The following FIGN variants were observed in gnomAD, a reference collection of about 807,000 sequenced individuals.
FIGN encodes fidgetin, microtubule severing factor, also known as fidgetin.
A neutral mutation model predicts 51.3 loss-of-function variants in FIGN; 11 were observed. The ratio of observed to expected loss-of-function variants is 0.21; its 90% CI spans 0.13 to 0.35. The LOEUF is 0.35. Ranked by LOEUF, FIGN falls within the 10% of genes least tolerant of loss-of-function variation. The pLI, the probability that FIGN is intolerant of heterozygous loss-of-function variation, is 1.00. For synonymous variants in FIGN, 407 were observed against 363.2 expected, an observed-to-expected ratio of 1.12 and a Z score of -1.37; for missense variants, 857 against 943.6, an observed-to-expected ratio of 0.91 and a Z score of 1.20.
At chr2:163,694,211 G>C (rs1234434620) in intron 2 of FIGN, among the ~76,000 whole-genome samples, 1 of 152,152 alleles carries the variant, frequency 6.6e-6, no homozygotes, top group Non-Finnish European at 1.5e-5. Flanking sequence ...CAAAATGTTT[G>C]TTTTGCCCCC....
Position 163,611,690 on chromosome 2 carries a change from G to A in FIGN, c.142C>T (p.Arg48Cys), listed in dbSNP as rs756095635. 4.3e-6 allele frequency: 7 copies of A among 1,614,162 alleles called. No individual in the cohort carries two copies. Among genetic ancestry groups the A allele is most frequent in the South Asian group, 1.1e-5 (1 of 91,082 alleles). ...TTCGCCCAGGCGTACTGATAGGTGC[G>A]CTGCAGATGACCTCTGTAGGCTTCA... ...KVEAYRGHLQRTYQYAWANDD... is the reference protein window; with the variant it reads ...KVEAYRGHLQCTYQYAWANDD... The change falls in exon 3 of 3, where the codon CGC becomes TGC. Residue 48 changes from arginine to cysteine, a missense_variant. By Grantham distance (180) the Arg-to-Cys change is radical. Around this residue, in one of 3 missense-constraint regions of FIGN, gnomAD observed 56 missense variants for 75.3 expected, o/e 0.74. Coordinates refer to ENST00000333129, the MANE Select transcript of FIGN (RefSeq NM_018086.4).
intron 2 of FIGN, among the ~76,000 whole-genome samples, chr2:163,726,619 C>G (rs1230965994): frequency 6.6e-6 from 1 of 151,918 alleles, no homozygotes; most frequent in Non-Finnish European, 1.5e-5. Context: ...CCCCGTTAAC[C>G]TAAATACTCA....
chr2:163,697,424 T>C (rs1363557728), intron 2 of FIGN, among the ~76,000 whole-genome samples: 1 of 152,068 alleles, frequency 6.6e-6, no homozygotes, highest in Non-Finnish European at 1.5e-5. Context: ...TACTTATGTG[T>C]CCATCTCCCC....
At position 163,607,596 on chromosome 2, in the gene FIGN, A is replaced by C. The variant is rs1691137016; in HGVS notation, c.*1956T>G. The C allele has an allele frequency of 6.6e-6, 1 of 152,568 alleles. No individual in the cohort carries two copies. Among genetic ancestry groups the C allele is most frequent in the African/African-American group, 2.4e-5 (1 of 41,438 alleles). 9.5% of individuals were successfully genotyped at this position (152,568 alleles called of 1,614,324 possible). Reference sequence around the variant, plus strand: ...GGTAAAAATTTTTGTAAGAAAAAAAAAACAGAAAGGCCTTTCTTGGGGCTT... The same window carrying C: ...GGTAAAAATTTTTGTAAGAAAAAAACAACAGAAAGGCCTTTCTTGGGGCTT... On this transcript the variant is annotated 3_prime_UTR_variant, in exon 3 of 3. Coordinates refer to ENST00000333129, the MANE Select transcript of FIGN (RefSeq NM_018086.4).
rs553633980 is a variant in FIGN, at chr2:163,679,364, C to T, written c.25+55539G>A. On this transcript the variant is annotated intron_variant, in intron 2 of 2. Transcript: ENST00000333129. ...ACAAAAAATTAGCCAGGCATGGTGGCGGGCGCCTGTATTCCCAGTTACTTG... is the reference window on the plus strand; with the variant it reads ...ACAAAAAATTAGCCAGGCATGGTGGTGGGCGCCTGTATTCCCAGTTACTTG... Among the ~76,000 whole-genome samples, 20 of 152,128 alleles carry T rather than the reference C, an allele frequency of 1.3e-4. No individual in the cohort carries two copies. In the South Asian group the frequency reaches 3.7e-3, roughly 28 times the overall value.
rs1691138641 is a variant in FIGN at position 163,607,643 on chromosome 2, T to A, written c.*1909A>T. 1 of 152,620 alleles carries A rather than the reference T, an allele frequency of 6.6e-6. No individual in the cohort carries two copies. Among genetic ancestry groups the A allele is most frequent in the African/African-American group, 2.4e-5 (1 of 41,454 alleles). The allele number at this position is 152,620 out of a possible 1,614,324, so 9.5% of individuals were successfully genotyped here. A position where few individuals can be genotyped will look rare whatever the true frequency, so the allele number is the denominator to read the frequency against. ...GCTTCTCATTGCATTTATTTAAATT[T>A]TTTTAAAAATGTACATCACTTATTT... On this transcript the variant is annotated 3_prime_UTR_variant, in exon 3 of 3. Coordinates refer to ENST00000333129, the MANE Select transcript of FIGN (RefSeq NM_018086.4).
chr2:163,690,908 A>C (rs754203999), intron 2 of FIGN, among the ~76,000 whole-genome samples: 1 of 152,028 alleles, frequency 6.6e-6, no homozygotes, highest in Non-Finnish European at 1.5e-5. Context: ...TAAACTATAA[A>C]ACATTTTTTA....
At chr2:163,676,459 A>ATATATATATT (rs1683968527) in intron 2 of FIGN, among the ~76,000 whole-genome samples, 1 of 96,588 alleles carries the variant, frequency 1.0e-5, no homozygotes, top group Non-Finnish European at 2.1e-5. Flanking sequence ...ATATATATAT[A>ATATATATATT]TATATATATA....
chr2:163,697,071 T>C (rs1011240409), intron 2 of FIGN, among the ~76,000 whole-genome samples: 15 of 151,314 alleles, frequency 9.9e-5, no homozygotes, highest in African/African-American at 3.6e-4. Flanking sequence ...ACTAAGCACA[T>C]TGTGTCATAA....
intron 2 of FIGN, among the ~76,000 whole-genome samples, chr2:163,682,136 AAAAC>A (rs61220454): frequency 2.5e-4 from 38 of 152,328 alleles, no homozygotes; most frequent in South Asian, 1.7e-3. Context: ...ATCTTTTGTT[AAAAC>A]AAACAAACAA....
intron 2 of FIGN, among the ~76,000 whole-genome samples, chr2:163,665,973 T>C (rs1187066154): frequency 3.9e-5 from 6 of 152,226 alleles, no homozygotes; most frequent in African/African-American, 1.4e-4. Flanking sequence ...CCATGGTGCA[T>C]GTCACATGAC....
chr2:163,686,565 C>T (rs1684152991), intron 2 of FIGN, among the ~76,000 whole-genome samples: 1 of 152,024 alleles, frequency 6.6e-6, no homozygotes. Context: ...TGTAGATTAT[C>T]ACATTACACA....
chr2:163,676,074 T>C (rs1325573843), intron 2 of FIGN, among the ~76,000 whole-genome samples: 1 of 151,586 alleles, frequency 6.6e-6, no homozygotes, highest in Non-Finnish European at 1.5e-5. Flanking sequence ...TCAATGCCAG[T>C]GTGGAATCAA....
chr2:163,640,786 A>G (rs1285051256), intron 2 of FIGN, among the ~76,000 whole-genome samples: 1 of 152,254 alleles, frequency 6.6e-6, no homozygotes, highest in Non-Finnish European at 1.5e-5. Context: ...ACTAAAGACA[A>G]AAGGCCAAAA....
At chr2:163,706,900 A>C (rs1684508173) in intron 2 of FIGN, among the ~76,000 whole-genome samples, 1 of 152,208 alleles carries the variant, frequency 6.6e-6, no homozygotes, top group Non-Finnish European at 1.5e-5. Context: ...AGTATGACCA[A>C]AGGTATAAAC....
chr2:163,681,265 G>T (rs552104020), intron 2 of FIGN, among the ~76,000 whole-genome samples: 1 of 151,890 alleles, frequency 6.6e-6, no homozygotes, highest in Non-Finnish European at 1.5e-5. Context: ...GATTTGAAAC[G>T]CTTCATTAAA....
intron 2 of FIGN, among the ~76,000 whole-genome samples, chr2:163,672,741 C>G (rs1302630650): frequency 6.6e-6 from 1 of 152,150 alleles, no homozygotes; most frequent in African/African-American, 2.4e-5. Context: ...TAACTTTAAA[C>G]TCTTCTGTTG....
At chr2:163,674,827 A>G (rs913348474) in intron 2 of FIGN, among the ~76,000 whole-genome samples, 20 of 152,190 alleles carry the variant, frequency 1.3e-4, no homozygotes, top group Middle Eastern at 6.3e-3. Flanking sequence ...TGACAAAAAA[A>G]AAATAGTAAG....
At chr2:163,631,140 C>T (rs1248606716) in intron 2 of FIGN, among the ~76,000 whole-genome samples, 2 of 152,106 alleles carry the variant, frequency 1.3e-5, no homozygotes, top group Non-Finnish European at 2.9e-5. Flanking sequence ...CAGTTCATAC[C>T]CATTTTACAA....
Sources: allele counts gnomAD v4.1 joint callset (sites outside exome capture counted in the v4.1 genomes callset), GRCh38; gene constraint gnomAD v4.1.1; regional missense constraint gnomAD v4.1.1; transcripts MANE v1.5; gene names NCBI Gene and HGNC (gene_info 2026-07-23, HGNC 2026-07-21).